The following ENAH variants were observed in gnomAD, a reference collection of about 807,000 sequenced individuals.
ENAH encodes protein enabled homolog.
A neutral mutation model predicts 78.7 loss-of-function variants in ENAH; 23 were observed. The ratio of observed to expected loss-of-function variants is 0.29; its 90% CI spans 0.21 to 0.41. The LOEUF is 0.41. ENAH is among the 10% of genes least tolerant of loss of function. ENAH has a pLI of 1.00. For missense variants in ENAH, 544 were observed against 691.0 expected (o/e 0.79, Z 2.39); for synonymous variants, 226 against 241.0 (o/e 0.94, Z 0.58).
chr1:225,504,936 A>G, intron 11 of ENAH: 2 of 1,426,932 alleles, frequency 1.4e-6, no homozygotes, highest in Non-Finnish European at 2.0e-6. Flanking sequence ...GCTCAGCCCT[A>G]TCCTGAACAT....
At chr1:225,528,198 A>C (rs2096519619) in intron 4 of ENAH, among the ~76,000 whole-genome samples, 1 of 152,192 alleles carries the variant, frequency 6.6e-6, no homozygotes, top group Admixed American at 6.5e-5. Flanking sequence ...GGTAATACTC[A>C]AATGTAAAAT....
chr1:225,630,230 G>T (rs1180867516), intron 1 of ENAH, among the ~76,000 whole-genome samples: 1 of 150,018 alleles, frequency 6.7e-6, no homozygotes, highest in Non-Finnish European at 1.5e-5. Flanking sequence ...AAAAGCTACA[G>T]AAAGTAATTT....
intron 1 of ENAH, among the ~76,000 whole-genome samples, chr1:225,582,859 C>A (rs2096825978): frequency 6.6e-6 from 1 of 152,040 alleles, no homozygotes; most frequent in Non-Finnish European, 1.5e-5. Context: ...ACTCCCCACT[C>A]TCCGCAAAAA....
At chr1:225,532,917 TAAC>T (rs2096544731) in intron 3 of ENAH, among the ~76,000 whole-genome samples, 2 of 152,088 alleles carry the variant, frequency 1.3e-5, no homozygotes, top group African/African-American at 4.8e-5. Context: ...GAACAACTCT[TAAC>T]AATTCTTTTC....
At chr1:225,610,261 T>G (rs2096981310) in intron 1 of ENAH, among the ~76,000 whole-genome samples, 1 of 151,996 alleles carries the variant, frequency 6.6e-6, no homozygotes, top group Non-Finnish European at 1.5e-5. Context: ...CTTATGTAAC[T>G]TTCAAATGTT....
intron 1 of ENAH, among the ~76,000 whole-genome samples, chr1:225,598,129 T>G (rs2096911679): frequency 6.6e-6 from 1 of 152,184 alleles, no homozygotes; most frequent in African/African-American, 2.4e-5. Flanking sequence ...TCCCAGTGTT[T>G]AACACACTAA....
chr1:225,537,646 AACAC>A (rs1391638728), intron 3 of ENAH, among the ~76,000 whole-genome samples: 2 of 152,152 alleles, frequency 1.3e-5, no homozygotes, highest in Non-Finnish European at 2.9e-5. Context: ...CATACTTTTT[AACAC>A]TAGCACTGAT....
chr1:225,562,191 G>C (rs565447513), intron 2 of ENAH, among the ~76,000 whole-genome samples: 7 of 151,998 alleles, frequency 4.6e-5, no homozygotes, highest in Admixed American at 1.3e-4. Context: ...AAAGTACTGA[G>C]ATTAAAGGCG....
intron 1 of ENAH, among the ~76,000 whole-genome samples, chr1:225,591,945 A>AG (rs951118950): frequency 3.1e-4 from 47 of 152,240 alleles, no homozygotes; most frequent in Admixed American, 7.8e-4. Flanking sequence ...GTCATTTCCT[A>AG]GTTGCGTCAC....
intron 1 of ENAH, among the ~76,000 whole-genome samples, chr1:225,616,308 C>G (rs1337843207): frequency 6.7e-6 from 1 of 149,406 alleles, no homozygotes; most frequent in African/African-American, 2.5e-5. Context: ...CCGAGAAACA[C>G]CCAAGAATGA....
At chr1:225,573,627 C>A (rs766452495) in intron 1 of ENAH, among the ~76,000 whole-genome samples, 5 of 151,216 alleles carry the variant, frequency 3.3e-5, no homozygotes, top group Non-Finnish European at 5.9e-5. Context: ...AAATACCAGA[C>A]GAGAAAAAAA....
intron 3 of ENAH, among the ~76,000 whole-genome samples, chr1:225,547,054 T>A (rs1253821941): frequency 6.6e-6 from 1 of 151,422 alleles, no homozygotes; most frequent in African/African-American, 2.4e-5. Flanking sequence ...ATCTATTATT[T>A]GTTGTTGTTG....
chr1:225,587,598 A>C (rs1328443003), intron 1 of ENAH, among the ~76,000 whole-genome samples: 1 of 152,206 alleles, frequency 6.6e-6, no homozygotes, highest in Non-Finnish European at 1.5e-5. Context: ...CTACAAGTTA[A>C]ATGCAATCAC....
chr1:225,507,950 C>A lies in ENAH; in HGVS notation c.1538+1G>T. The stretch of plus-strand genomic sequence containing the variant: ...TAAAACTTAGAGAAAAAAATTGATA[C>A]CTGGAGATAACAGGTGACTTGCTGC... On this transcript the variant is annotated splice_donor_variant, in intron 11 of 13. Transcript: ENST00000366843. LOFTEE classifies it high-confidence loss of function. 6.5e-7 allele frequency: 1 copy of A among 1,536,700 alleles called. No homozygotes were observed. The highest frequency in any genetic ancestry group is 2.4e-5 in the East Asian group (1 of 42,240).
intron 1 of ENAH, among the ~76,000 whole-genome samples, chr1:225,627,943 T>C (rs1357717469): frequency 6.6e-6 from 1 of 151,702 alleles, no homozygotes; most frequent in East Asian, 1.9e-4. Context: ...CACCAACTTA[T>C]CAAAATAATT....
At chr1:225,539,530 C>T (rs994101174) in intron 3 of ENAH, among the ~76,000 whole-genome samples, 1 of 152,176 alleles carries the variant, frequency 6.6e-6, no homozygotes, top group African/African-American at 2.4e-5. Flanking sequence ...CCATTCCAAT[C>T]GTGGTATCTG....
At chr1:225,569,391 G>A (rs2096749638) in intron 1 of ENAH, among the ~76,000 whole-genome samples, 1 of 152,162 alleles carries the variant, frequency 6.6e-6, no homozygotes, top group Non-Finnish European at 1.5e-5. Context: ...GAGTTGATGG[G>A]TGCAGCAAAC....
At chr1:225,652,368 C>T in intron 1 of ENAH, 1 of 985,416 alleles carries the variant, frequency 1.0e-6, no homozygotes, top group South Asian at 4.7e-5. Context: ...TCCCCATCTC[C>T]CGGGTTTCGC....
chr1:225,617,284 T>C (rs2148209432), intron 1 of ENAH, among the ~76,000 whole-genome samples: 1 of 152,316 alleles, frequency 6.6e-6, no homozygotes, highest in South Asian at 2.1e-4. Context: ...TTAAATTCTA[T>C]TCACAAAATA....
Sources: gnomAD v4.1 joint callset for allele counts (sites outside exome capture counted in the v4.1 genomes callset) on GRCh38, gnomAD v4.1.1 for gene constraint, MANE v1.5 for transcripts, NCBI Gene and HGNC (gene_info 2026-07-23, HGNC 2026-07-21) for gene names.